The following GNB5 variants were observed in gnomAD, a reference collection of about 807,000 sequenced individuals.
The protein encoded by GNB5 is guanine nucleotide-binding protein subunit beta-5.
A neutral mutation model predicts 55.3 loss-of-function variants in GNB5; 37 were observed. That is an observed-to-expected ratio of 0.67 (90% CI 0.51 to 0.88). The LOEUF (loss-of-function observed/expected upper bound fraction) is 0.88, where lower values mean the gene tolerates loss of function less well. Among genes scored for constraint, GNB5 ranks in the 40% least tolerant of loss-of-function variants. GNB5 has a pLI of 0.00. For synonymous variants in GNB5, 219 were observed against 198.5 expected, an observed-to-expected ratio of 1.10 and a Z score of -0.87; for missense variants, 476 against 515.3, an observed-to-expected ratio of 0.92 and a Z score of 0.74.
chr15:52,185,415 TAA>T (rs1230903904), intron 1 of GNB5, among the ~76,000 whole-genome samples: 2 of 152,334 alleles, frequency 1.3e-5, no homozygotes, highest in East Asian at 3.9e-4. Flanking sequence ...AAGAGAATGA[TAA>T]GAGTCAGTGC....
At chr15:52,166,907 A>T (rs1438044838) in intron 3 of GNB5, among the ~76,000 whole-genome samples, 1 of 152,138 alleles carries the variant, frequency 6.6e-6, no homozygotes, top group Non-Finnish European at 1.5e-5. Flanking sequence ...TGGTTTTTTG[A>T]AAAAATTAAT....
intron 4 of GNB5, among the ~76,000 whole-genome samples, chr15:52,151,674 G>A (rs1482944724): frequency 6.6e-6 from 1 of 152,202 alleles, no homozygotes; most frequent in Non-Finnish European, 1.5e-5. Context: ...ACAGCAGTAT[G>A]TGAGTGACAG....
rs767639188 is a variant in GNB5, at chr15:52,118,580, G to T, written c.*4177C>A. ...ATTTGGGGTCCTCAATAACTTTTAA[G>T]GGTGTAGGCTGGGCACGGTGGCTTA... On this transcript the variant is annotated 3_prime_UTR_variant, in exon 13 of 13. Coordinates refer to ENST00000261837, the MANE Select transcript of GNB5 (RefSeq NM_016194.4). 3 of 152,104 alleles carry T rather than the reference G, an allele frequency of 2.0e-5. No homozygotes were observed. The highest frequency in any genetic ancestry group is 6.6e-5 in the Admixed American group (1 of 15,262). The allele number at this position is 152,104 out of a possible 1,614,324, so 9.4% of individuals were successfully genotyped here. A position where few individuals can be genotyped will look rare whatever the true frequency, so the allele number is the denominator to read the frequency against.
At position 52,116,588 on chromosome 15, in the gene GNB5, T is replaced by C. The variant is rs529342231; in HGVS notation, c.*6169A>G. The C allele has an allele frequency of 6.6e-6, 1 of 152,226 alleles. No homozygotes were observed. Among genetic ancestry groups the C allele is most frequent in the South Asian group, 2.1e-4 (1 of 4,830 alleles). The allele number at this position is 152,226 out of a possible 1,614,324, so 9.4% of individuals were successfully genotyped here. ...ATGTCTATCATTTGTGTTGGGAATG[T>C]GAAAGTTGTTAGAATTCAAATAGAG... is the stretch of plus-strand genomic sequence containing the variant. On this transcript the variant is annotated 3_prime_UTR_variant, in exon 13 of 13. Coordinates refer to ENST00000261837, the MANE Select transcript of GNB5 (RefSeq NM_016194.4).
chr15:52,124,122 C>T (rs1200168925), intron 12 of GNB5, among the ~76,000 whole-genome samples: 7 of 151,202 alleles, frequency 4.6e-5, no homozygotes, highest in Non-Finnish European at 1.0e-4. Flanking sequence ...GAACCCTATA[C>T]TATAGGAGGA....
intron 4 of GNB5, among the ~76,000 whole-genome samples, chr15:52,150,736 T>C (rs922342077): frequency 3.3e-5 from 5 of 152,162 alleles, no homozygotes; most frequent in African/African-American, 1.2e-4. Flanking sequence ...CATCTATTTG[T>C]AATGAAAACC....
intron 7 of GNB5, 132 bp downstream of exon 7, chr15:52,141,008 G>A (rs1462750219): frequency 7.5e-6 from 5 of 666,884 alleles, no homozygotes; most frequent in Non-Finnish European, 1.3e-5. Context: ...GAAACAATAG[G>A]AGCTTCCTCT....
At chr15:52,177,424 CA>C (rs1282841820) in intron 3 of GNB5, among the ~76,000 whole-genome samples, 1 of 151,684 alleles carries the variant, frequency 6.6e-6, no homozygotes, top group Non-Finnish European at 1.5e-5. Flanking sequence ...TTTGGAGGCT[CA>C]GGCGGGCAGA....
chr15:52,145,079 C>T (rs1296060573), intron 6 of GNB5, among the ~76,000 whole-genome samples: 1 of 152,160 alleles, frequency 6.6e-6, no homozygotes, highest in Non-Finnish European at 1.5e-5. Context: ...GTATCTGAAG[C>T]AAGGGGCAGT....
In GNB5 at chr15:52,153,993, CT is replaced by C; in HGVS notation, c.321del (p.Val108SerfsTer14). The C allele has an allele frequency of 6.2e-7, 1 of 1,614,122 alleles. No homozygotes were observed. Among genetic ancestry groups the C allele is most frequent in the Non-Finnish European group, 8.5e-7 (1 of 1,179,946 alleles). On this transcript the variant is annotated frameshift_variant, in exon 4 of 13. Coordinates refer to ENST00000261837, the MANE Select transcript of GNB5 (RefSeq NM_016194.4). LOFTEE classifies it high-confidence loss of function. ...TCTTTGCACCAGTCCATGCACAGGA[CT>C]TTGTTCCCGTGGCCTTTGAGGGTCC... ...TRRTLKGHGN[K>X]VLCMDWCKDK... is the part of the protein sequence containing the mutation.
At position 52,187,646 on chromosome 15, in the gene GNB5, A is replaced by G. The variant is rs115940210; in HGVS notation, c.-18-2952T>C. Among the ~76,000 whole-genome samples, 174 of 152,290 alleles carry G rather than the reference A, an allele frequency of 1.1e-3. 1 individual carries two copies. Among genetic ancestry groups the G allele is most frequent in the African/African-American group, 3.7e-3 (155 of 41,556 alleles). On this transcript the variant is annotated intron_variant, in intron 1 of 12. Transcript: ENST00000261837. ...ATTATAAAAGATGCTGATAATGTTC[A>G]TTATAAATAACTGGAAACAGGGCCA... is the stretch of plus-strand genomic sequence containing the variant.
chr15:52,137,183 T>A (rs932496486), intron 7 of GNB5: 4 of 1,084,968 alleles, frequency 3.7e-6, no homozygotes, highest in Non-Finnish European at 4.7e-6. Flanking sequence ...CTGTGGCAGG[T>A]CAGATAACCT....
chr15:52,133,879 T>C (rs986325855), intron 8 of GNB5, among the ~76,000 whole-genome samples: 1 of 152,218 alleles, frequency 6.6e-6, no homozygotes, highest in African/African-American at 2.4e-5. Flanking sequence ...TCTCTAGTTG[T>C]GACATTAATA....
chr15:52,174,559 C>A (rs1280303522), intron 3 of GNB5, among the ~76,000 whole-genome samples: 14 of 152,142 alleles, frequency 9.2e-5, no homozygotes. Context: ...TTAATGTTGG[C>A]CAAGGGTCTG....
chr15:52,126,015 C>G lies in GNB5; in HGVS notation c.942G>C (p.Arg314Ser). 6.3e-7 allele frequency: 1 copy of G among 1,583,720 alleles called. No homozygotes were observed. Among genetic ancestry groups the G allele is most frequent in the Non-Finnish European group, 8.7e-7 (1 of 1,155,032 alleles). ...TCRLYDLRAD[R>S]EVAIYSKESI... ...TTTCTTTGGAATAGATGGCAACCTC[C>G]CTATCTGCCCGCAGGTCATAGAGGC... The change falls in exon 11 of 13, where the codon AGG becomes AGC. Residue 314 changes from arginine to serine, a missense_variant. Coordinates refer to ENST00000261837, the MANE Select transcript of GNB5 (RefSeq NM_016194.4).
chr15:52,175,724 G>A (rs1037144924), intron 3 of GNB5, among the ~76,000 whole-genome samples: 2 of 146,278 alleles, frequency 1.4e-5, no homozygotes. Flanking sequence ...GGGCGACAGA[G>A]TGAGACTCCG....
intron 4 of GNB5, among the ~76,000 whole-genome samples, chr15:52,151,504 C>G (rs1006770403): frequency 6.6e-6 from 1 of 152,222 alleles, no homozygotes; most frequent in Non-Finnish European, 1.5e-5. Context: ...GGTGACTACT[C>G]TCCTGCATCT....
intron 5 of GNB5, among the ~76,000 whole-genome samples, chr15:52,148,418 G>C (rs1474910168): frequency 6.6e-6 from 1 of 152,110 alleles, no homozygotes; most frequent in East Asian, 1.9e-4. Flanking sequence ...ACAGTCCCTG[G>C]CTTCTGGCTT....
At chr15:52,156,501 G>A (rs2034209962) in intron 3 of GNB5, among the ~76,000 whole-genome samples, 1 of 152,230 alleles carries the variant, frequency 6.6e-6, no homozygotes. Context: ...GGAGGCCAAG[G>A]TAGGTGGACT....
Sources: gnomAD v4.1 joint callset for allele counts (sites outside exome capture counted in the v4.1 genomes callset) on GRCh38, gnomAD v4.1.1 for gene constraint, MANE v1.5 for transcripts, NCBI Gene and HGNC (gene_info 2026-07-23, HGNC 2026-07-21) for gene names.